The following PPP1R8 variants were observed in gnomAD, a reference collection of about 807,000 sequenced individuals.
PPP1R8 encodes the protein nuclear inhibitor of protein phosphatase 1.
A neutral mutation model predicts 31.3 loss-of-function variants in PPP1R8; 4 were observed. That is an observed-to-expected ratio of 0.13 (90% CI 0.06 to 0.29). PPP1R8 has a LOEUF of 0.29. Among genes scored for constraint, PPP1R8 ranks in the 10% least tolerant of loss-of-function variants. PPP1R8 has a pLI of 1.00. For missense variants in PPP1R8, 254 were observed against 440.1 expected (o/e 0.58, Z 3.78); for synonymous variants, 170 against 169.7 (o/e 1.00, Z -0.01).
chr1:27,832,701 A>AAAC, intron 1 of PPP1R8, 55 bp from the exon 2 acceptor site: 1 of 1,462,330 alleles, frequency 6.8e-7, no homozygotes, highest in Non-Finnish European at 9.5e-7. Context: ...CAATGGTTGT[A>AAAC]AATAGCATTT....
chr1:27,840,736 C>T (rs890715276), intron 3 of PPP1R8, among the ~76,000 whole-genome samples: 1 of 152,098 alleles, frequency 6.6e-6, no homozygotes, highest in Non-Finnish European at 1.5e-5. Flanking sequence ...AAGAAACCCA[C>T]CGAGGAGATT....
At chr1:27,835,004 C>T (rs903761491) in intron 2 of PPP1R8, among the ~76,000 whole-genome samples, 2 of 152,054 alleles carry the variant, frequency 1.3e-5, no homozygotes, top group African/African-American at 4.8e-5. Context: ...GGCAACAAAG[C>T]AAGACTCCAT....
At chr1:27,843,609 G>A (rs1023244231) in intron 5 of PPP1R8, among the ~76,000 whole-genome samples, 10 of 151,772 alleles carry the variant, frequency 6.6e-5, no homozygotes, top group Admixed American at 5.3e-4. Flanking sequence ...GCAGTGAGCC[G>A]GGATTGTGCC....
intron 2 of PPP1R8, among the ~76,000 whole-genome samples, chr1:27,836,750 G>C (rs1288729269): frequency 6.6e-6 from 1 of 152,086 alleles, no homozygotes; most frequent in Non-Finnish European, 1.5e-5. Flanking sequence ...ATTTAGCTCA[G>C]GTCTAGCACG....
intron 2 of PPP1R8, among the ~76,000 whole-genome samples, chr1:27,834,005 C>T (rs1307179433): frequency 6.6e-6 from 1 of 152,158 alleles, no homozygotes; most frequent in African/African-American, 2.4e-5. Context: ...AATAATTTAG[C>T]TAAAATATCT....
chr1:27,833,309 T>C (rs562466797), intron 2 of PPP1R8, among the ~76,000 whole-genome samples: 2 of 152,354 alleles, frequency 1.3e-5, no homozygotes, highest in South Asian at 4.1e-4. Flanking sequence ...AAAACATGTA[T>C]TGAGTGTTTA....
chr1:27,847,022 T>C lies in PPP1R8; in HGVS notation c.638-6T>C. The C allele has an allele frequency of 6.2e-7, 1 of 1,613,786 alleles. No homozygotes were observed. Among genetic ancestry groups the C allele is most frequent in the Non-Finnish European group, 8.5e-7 (1 of 1,179,694 alleles). ...AACCCAACCCTGCCCTCTTCTCTTT[T>C]TGCAGAGGATGTGGATCCCTCAGTT... is the stretch of plus-strand genomic sequence containing the variant. On this transcript the variant is annotated splice_polypyrimidine_tract_variant and splice_region_variant and intron_variant, in intron 5 of 6. Transcript: ENST00000311772.
At chr1:27,840,129 A>T (rs187641216) in intron 3 of PPP1R8, among the ~76,000 whole-genome samples, 38 of 152,366 alleles carry the variant, frequency 2.5e-4, no homozygotes, top group African/African-American at 7.9e-4. Flanking sequence ...ACCAATTAAT[A>T]AGAGTTTAAA....
intron 2 of PPP1R8, among the ~76,000 whole-genome samples, chr1:27,837,169 C>T (rs1008233521): frequency 6.6e-5 from 10 of 152,226 alleles, no homozygotes; most frequent in Admixed American, 3.9e-4. Flanking sequence ...CGGTGGCTCA[C>T]CCCTGTAATC....
intron 4 of PPP1R8, among the ~76,000 whole-genome samples, chr1:27,841,650 G>T (rs1294841393): frequency 6.6e-6 from 1 of 152,226 alleles, no homozygotes; most frequent in Non-Finnish European, 1.5e-5. Flanking sequence ...TGCAAAGAGA[G>T]AATGTTTTCA....
intron 1 of PPP1R8, 49 bp downstream of exon 1, chr1:27,830,940 T>C (rs911392312): frequency 8.0e-6 from 12 of 1,496,064 alleles, no homozygotes; most frequent in Non-Finnish European, 9.8e-6. Context: ...GGAGCTAGCC[T>C]GGGCTGGAAG....
chr1:27,843,144 T>C (rs534594982), intron 4 of PPP1R8, 42 bp from the exon 5 acceptor site: 1 of 1,612,464 alleles, frequency 6.2e-7, no homozygotes, highest in East Asian at 2.2e-5. Context: ...TCAGATTCCC[T>C]TTGTACTGAC....
chr1:27,847,759 T>C (rs2089299868), intron 6 of PPP1R8, among the ~76,000 whole-genome samples: 1 of 152,054 alleles, frequency 6.6e-6, no homozygotes, highest in Non-Finnish European at 1.5e-5. Context: ...CTTTATGTGC[T>C]GTTGAGTGAG....
At chr1:27,846,166 C>G (rs2089278223) in intron 5 of PPP1R8, among the ~76,000 whole-genome samples, 1 of 152,180 alleles carries the variant, frequency 6.6e-6, no homozygotes, top group South Asian at 2.1e-4. Context: ...GATTCCTTCT[C>G]TATCACTATA....
At chr1:27,847,949 GAGA>G (rs2089301697) in intron 6 of PPP1R8, among the ~76,000 whole-genome samples, 1 of 152,208 alleles carries the variant, frequency 6.6e-6, no homozygotes, top group African/African-American at 2.4e-5. Context: ...GGGGTGCAGA[GAGA>G]GGCCCACCTT....
intron 4 of PPP1R8, among the ~76,000 whole-genome samples, chr1:27,842,364 A>G (rs2089231914): frequency 6.6e-6 from 1 of 151,402 alleles, no homozygotes; most frequent in Non-Finnish European, 1.5e-5. Flanking sequence ...AAAAAAAGAG[A>G]AATTTTACAA....
chr1:27,833,174 T>C (rs574650737), intron 2 of PPP1R8, among the ~76,000 whole-genome samples: 1 of 152,282 alleles, frequency 6.6e-6, no homozygotes, highest in African/African-American at 2.4e-5. Context: ...TGATATATAT[T>C]GAGTTTAACT....
rs747956370 is a variant in PPP1R8, at chr1:27,832,708, A to G, written c.57-48A>G. On this transcript the variant is annotated intron_variant, in intron 1 of 6. Coordinates refer to ENST00000311772, the MANE Select transcript of PPP1R8 (RefSeq NM_014110.5). ...GAATGGGACAATGGTTGTAAATAGC[A>G]TTTATAAACCCATCCTGAAAATGCT... The G allele has an allele frequency of 1.3e-5, 20 of 1,508,626 alleles. No individual in the cohort carries two copies. The Admixed American group carries it at 3.5e-4, about 27-fold the overall frequency. 93.5% of individuals were successfully genotyped at this position (1,508,626 alleles called of 1,614,324 possible).
chr1:27,832,828 CAT>C lies in PPP1R8; in HGVS notation c.117+13_117+14del. 6.3e-7 allele frequency: 1 copy of C among 1,599,580 alleles called. No individual in the cohort carries two copies. Among genetic ancestry groups the C allele is most frequent in the African/African-American group, 1.3e-5 (1 of 74,652 alleles). On this transcript the variant is annotated intron_variant, in intron 2 of 6. Transcript: ENST00000311772. The stretch of plus-strand genomic sequence containing the variant: ...ACAAACTAATTGAGGTATGGAAATA[CAT>C]GTCTTACTTTTTTGGCTGCCACACT...
Sources: allele counts gnomAD v4.1 joint callset (sites outside exome capture counted in the v4.1 genomes callset), GRCh38; gene constraint gnomAD v4.1.1; transcripts MANE v1.5; gene names NCBI Gene and HGNC (gene_info 2026-07-23, HGNC 2026-07-21).